The following SLC38A12 variants were observed in gnomAD, a reference collection of about 807,000 sequenced individuals.
SLC38A12 encodes the protein putative sodium-coupled neutral amino acid transporter 12.
chr17:74,791,753 C>T, the SLC38A12 span, among the ~76,000 whole-genome samples: 1 of 152,204 alleles, frequency 6.6e-6, no homozygotes, highest in Non-Finnish European at 1.5e-5. Flanking sequence ...TGGCTGCAAC[C>T]ATAAGGGAGC....
At chr17:74,818,139 G>A in the SLC38A12 span, among the ~76,000 whole-genome samples, 2 of 152,174 alleles carry the variant, frequency 1.3e-5, no homozygotes, top group Non-Finnish European at 2.9e-5. Context: ...CAGAGTCAAC[G>A]TTCTGCATGC....
chr17:74,839,028 C>T, the SLC38A12 span: 1 of 1,535,756 alleles, frequency 6.5e-7, no homozygotes, highest in Non-Finnish European at 8.7e-7. Context: ...CCAGATGCCC[C>T]CGGTGCAGGC....
chr17:74,801,696 C>T, the SLC38A12 span, among the ~76,000 whole-genome samples: 5 of 152,190 alleles, frequency 3.3e-5, no homozygotes, highest in South Asian at 4.1e-4. Context: ...CTTCAGACAG[C>T]GACTGCGCTC....
the SLC38A12 span, among the ~76,000 whole-genome samples, chr17:74,827,946 G>C: frequency 6.6e-6 from 1 of 152,202 alleles, no homozygotes; most frequent in Admixed American, 6.5e-5. The surrounding 1 kb of genome is among the most constrained non-coding windows in gnomAD (Gnocchi z 4.7). Context: ...CTGCAGCCCG[G>C]CACCTTCCAA....
chr17:74,834,407 C>G, the SLC38A12 span, among the ~76,000 whole-genome samples: 1 of 152,082 alleles, frequency 6.6e-6, no homozygotes, highest in Non-Finnish European at 1.5e-5. Context: ...GCAATTTTCT[C>G]AGGCCGGTTT....
the SLC38A12 span, among the ~76,000 whole-genome samples, chr17:74,810,285 G>T: frequency 2.6e-5 from 4 of 152,196 alleles, no homozygotes; most frequent in Admixed American, 2.6e-4. Flanking sequence ...GAGTCATCTA[G>T]GCATCAACCG....
At chr17:74,811,662 C>T in the SLC38A12 span, among the ~76,000 whole-genome samples, 1 of 151,030 alleles carries the variant, frequency 6.6e-6, no homozygotes, top group South Asian at 2.1e-4. Flanking sequence ...TGGAGGTTGC[C>T]GCGAGCCAAG....
the SLC38A12 span, among the ~76,000 whole-genome samples, chr17:74,822,783 C>T: frequency 6.6e-6 from 1 of 152,218 alleles, no homozygotes; most frequent in Non-Finnish European, 1.5e-5. Flanking sequence ...GCACTGGAAC[C>T]AGCGGGGTAT....
chr17:74,818,495 C>T, the SLC38A12 span, among the ~76,000 whole-genome samples: 2 of 151,926 alleles, frequency 1.3e-5, no homozygotes, highest in Non-Finnish European at 2.9e-5. Flanking sequence ...TCTCCCACAT[C>T]CTGCCCTCCT....
chr17:74,821,793 GC>G, the SLC38A12 span, among the ~76,000 whole-genome samples: 2 of 152,180 alleles, frequency 1.3e-5, no homozygotes, highest in South Asian at 4.1e-4. Flanking sequence ...CACATCTGTA[GC>G]CCCAAAGTCT....
the SLC38A12 span, among the ~76,000 whole-genome samples, chr17:74,801,069 G>A: frequency 1.3e-5 from 2 of 152,182 alleles, no homozygotes; most frequent in African/African-American, 2.4e-5. Flanking sequence ...GAGGGGGAAG[G>A]GTGTTGCTTC....
chr17:74,809,403 G>T, the SLC38A12 span, among the ~76,000 whole-genome samples: 4 of 152,110 alleles, frequency 2.6e-5, no homozygotes, highest in African/African-American at 7.2e-5. Context: ...CCTCCCCCAG[G>T]CTCCTCAGGA....
chr17:74,819,767 C>T, the SLC38A12 span: 5 of 1,614,132 alleles, frequency 3.1e-6, no homozygotes, highest in African/African-American at 5.3e-5. Context: ...TCACTCTCCT[C>T]CTCGGACCGT....
At chr17:74,836,345 C>T in the SLC38A12 span, 1 of 1,612,980 alleles carries the variant, frequency 6.2e-7, no homozygotes, top group South Asian at 1.1e-5. The surrounding 1 kb of genome is among the most constrained non-coding windows in gnomAD (Gnocchi z 4.2). Flanking sequence ...GGAAGACACT[C>T]TTCCACCGCG....
At chr17:74,795,018 T>C in the SLC38A12 span, 15 of 1,613,134 alleles carry the variant, frequency 9.3e-6, no homozygotes, top group African/African-American at 1.3e-5. Flanking sequence ...TCAGTGGGGG[T>C]CAACTTGTTC....
At chr17:74,794,947 G>GAAGA in the SLC38A12 span, 7 of 1,028,448 alleles carry the variant, frequency 6.8e-6, no homozygotes, top group Non-Finnish European at 9.6e-6. Context: ...AAAAGAAGAA[G>GAAGA]AAAAAAAAAA....
At chr17:74,783,757 G>A in the SLC38A12 span, among the ~76,000 whole-genome samples, 2 of 119,274 alleles carry the variant, frequency 1.7e-5, no homozygotes, top group Non-Finnish European at 3.2e-5. Flanking sequence ...TTGAGACGGA[G>A]TCTCGCTCTG....
chr17:74,815,726 G>A, the SLC38A12 span, among the ~76,000 whole-genome samples: 2 of 152,226 alleles, frequency 1.3e-5, no homozygotes, highest in Admixed American at 6.5e-5. Context: ...GCAGGCGTGA[G>A]TTGAGCGTTC....
At chr17:74,836,348 C>T in the SLC38A12 span, 1 of 1,612,900 alleles carries the variant, frequency 6.2e-7, no homozygotes, top group Non-Finnish European at 8.5e-7. This position sits in a 1 kb window ranked among gnomAD's most constrained non-coding sequence, Gnocchi z 4.2. Context: ...AGACACTCTT[C>T]CACCGCGAGG....
Sources: gnomAD v4.1 joint callset for allele counts (sites outside exome capture counted in the v4.1 genomes callset) on GRCh38, gnomAD v4.1.1 for gene constraint, Gnocchi (gnomAD v3.1) non-coding constraint, MANE v1.5 for transcripts, NCBI Gene and HGNC (gene_info 2026-07-23, HGNC 2026-07-21) for gene names.